Variants in ZFAND3 observed in about 807,000 individuals in gnomAD.
The protein encoded by ZFAND3 is zinc finger AN1-type containing 3, also known as AN1-type zinc finger protein 3.
ZFAND3 carries 10 observed loss-of-function variants against 29.6 expected under a neutral mutation model. That is an observed-to-expected ratio of 0.34 (90% CI 0.21 to 0.57). ZFAND3 has a LOEUF of 0.57. ZFAND3 is among the 20% of genes least tolerant of loss of function. The pLI, the probability that ZFAND3 is intolerant of heterozygous loss-of-function variation, is 0.86. For synonymous variants in ZFAND3, 128 were observed against 112.6 expected, an observed-to-expected ratio of 1.14 and a Z score of -0.87; for missense variants, 230 against 304.5, an observed-to-expected ratio of 0.76 and a Z score of 1.82.
At chr6:37,891,928 T>C (rs1765112710) in intron 1 of ZFAND3, among the ~76,000 whole-genome samples, 1 of 152,046 alleles carries the variant, frequency 6.6e-6, no homozygotes, top group African/African-American at 2.4e-5. Flanking sequence ...GGGGTTTCAC[T>C]GTGTTGCCCA....
intron 5 of ZFAND3, among the ~76,000 whole-genome samples, chr6:38,150,862 G>T (rs11756902): frequency 6.6e-6 from 1 of 152,152 alleles, no homozygotes; most frequent in Non-Finnish European, 1.5e-5. Context: ...GCTCCAGACA[G>T]GGAGAACAGG....
At chr6:38,146,916 A>G (rs1766121120) in intron 5 of ZFAND3, among the ~76,000 whole-genome samples, 1 of 151,802 alleles carries the variant, frequency 6.6e-6, no homozygotes. Flanking sequence ...ATGTATGTGA[A>G]TGAGTCAGTG....
intron 2 of ZFAND3, among the ~76,000 whole-genome samples, chr6:37,978,564 A>T (rs1245337854): frequency 6.6e-6 from 1 of 152,294 alleles, no homozygotes; most frequent in East Asian, 1.9e-4. Context: ...CTACACAGGG[A>T]GTTTTCTTTG....
intron 2 of ZFAND3, among the ~76,000 whole-genome samples, chr6:37,984,143 C>T (rs1386337620): frequency 2.6e-5 from 4 of 152,112 alleles, no homozygotes; most frequent in Non-Finnish European, 5.9e-5. Flanking sequence ...AAAATAAGAT[C>T]GCTAAACTTC....
chr6:38,013,520 T>C (rs1390540659), intron 2 of ZFAND3, among the ~76,000 whole-genome samples: 1 of 152,174 alleles, frequency 6.6e-6, no homozygotes, highest in Non-Finnish European at 1.5e-5. Flanking sequence ...GAACAACACA[T>C]AGAAAGCACA....
intron 2 of ZFAND3, among the ~76,000 whole-genome samples, chr6:37,992,037 T>C (rs987302153): frequency 3.3e-5 from 5 of 152,240 alleles, no homozygotes; most frequent in Non-Finnish European, 7.3e-5. Flanking sequence ...GATTTGCATT[T>C]TTTTGAAAAT....
intron 4 of ZFAND3, among the ~76,000 whole-genome samples, chr6:38,097,101 GTC>G (rs1764996281): frequency 6.6e-6 from 1 of 152,016 alleles, no homozygotes; most frequent in Admixed American, 6.6e-5. Flanking sequence ...GTTTTTGAGA[GTC>G]TCACTCTATT....
chr6:38,013,296 G>A (rs1763193198), intron 2 of ZFAND3, among the ~76,000 whole-genome samples: 2 of 152,196 alleles, frequency 1.3e-5, no homozygotes, highest in South Asian at 4.1e-4. Context: ...AGTGTCCTTT[G>A]ATTCTACTTC....
At chr6:37,966,794 A>G (rs1762300903) in intron 2 of ZFAND3, among the ~76,000 whole-genome samples, 1 of 152,182 alleles carries the variant, frequency 6.6e-6, no homozygotes, top group South Asian at 2.1e-4. Context: ...GTTTAATAAT[A>G]TCTTTTATAG....
intron 2 of ZFAND3, among the ~76,000 whole-genome samples, chr6:37,944,491 G>C (rs1457738132): frequency 2.0e-5 from 3 of 152,140 alleles, no homozygotes; most frequent in African/African-American, 7.2e-5. Flanking sequence ...CCTACAAGAG[G>C]AGGAGCCTAA....
chr6:38,094,914 A>G (rs927358399), intron 4 of ZFAND3, among the ~76,000 whole-genome samples: 17 of 152,142 alleles, frequency 1.1e-4, no homozygotes, highest in African/African-American at 4.1e-4. Context: ...CAAATCTGAA[A>G]TACTCCAATG....
intron 5 of ZFAND3, among the ~76,000 whole-genome samples, chr6:38,134,250 A>G (rs1210555336): frequency 3.3e-5 from 5 of 152,180 alleles, no homozygotes; most frequent in African/African-American, 1.2e-4. Flanking sequence ...CGTTCTCCTG[A>G]GTGCTAATTC....
At chr6:37,912,030 C>CTCTG (rs370151008) in intron 1 of ZFAND3, among the ~76,000 whole-genome samples, 1 of 139,706 alleles carries the variant, frequency 7.2e-6, no homozygotes. Context: ...AGTCTTTTAT[C>CTCTG]TGTGTGTGTG....
intron 5 of ZFAND3, among the ~76,000 whole-genome samples, chr6:38,125,173 C>G (rs779671894): frequency 6.6e-6 from 1 of 152,202 alleles, no homozygotes; most frequent in Non-Finnish European, 1.5e-5. Flanking sequence ...CCTTCACTCT[C>G]ACTGTACTTT....
chr6:38,118,776 A>C (rs1308465165), intron 5 of ZFAND3, among the ~76,000 whole-genome samples: 1 of 151,404 alleles, frequency 6.6e-6, no homozygotes, highest in African/African-American at 2.4e-5. Flanking sequence ...AAAAAAAAAA[A>C]ACAGTAATAT....
intron 1 of ZFAND3, among the ~76,000 whole-genome samples, chr6:37,884,494 CAAAAAAAAAA>C (rs58015486): frequency 1.9e-5 from 1 of 53,844 alleles, no homozygotes; most frequent in African/African-American, 1.1e-4. Context: ...AACTCTAGCT[CAAAAAAAAAA>C]AAAAAAAAAA....
chr6:38,026,770 C>T (rs1257402504), intron 2 of ZFAND3, among the ~76,000 whole-genome samples: 2 of 140,962 alleles, frequency 1.4e-5, no homozygotes, highest in Non-Finnish European at 3.1e-5. Flanking sequence ...TATTATGGCT[C>T]TTTGCATTTT....
At chr6:37,874,787 G>A (rs1303245098) in intron 1 of ZFAND3, among the ~76,000 whole-genome samples, 2 of 152,048 alleles carry the variant, frequency 1.3e-5, no homozygotes, top group Admixed American at 6.5e-5. Flanking sequence ...TGTTGCCCAG[G>A]CTGGTCTCAA....
At chr6:38,107,429 T>A (rs1161149611) in intron 4 of ZFAND3, among the ~76,000 whole-genome samples, 1 of 152,242 alleles carries the variant, frequency 6.6e-6, no homozygotes, top group African/African-American at 2.4e-5. Context: ...TCCCTTCACC[T>A]TCTTTACTTA....
Sources: allele counts gnomAD v4.1 joint callset (sites outside exome capture counted in the v4.1 genomes callset), GRCh38; gene constraint gnomAD v4.1.1; transcripts MANE v1.5; gene names NCBI Gene and HGNC (gene_info 2026-07-23, HGNC 2026-07-21).